The following CDKAL1 variants were observed in gnomAD, a reference collection of about 807,000 sequenced individuals.
CDKAL1 encodes threonylcarbamoyladenosine tRNA methylthiotransferase.
Under a neutral mutation model 68.2 loss-of-function variants are expected in CDKAL1, and 32 were observed. That is an observed-to-expected ratio of 0.47 (90% CI 0.35 to 0.63). The LOEUF is 0.63. Among genes scored for constraint, CDKAL1 ranks in the 30% least tolerant of loss-of-function variants. The pLI is 0.00. For missense variants in CDKAL1, 606 were observed against 696.7 expected, an observed-to-expected ratio of 0.87 and a Z score of 1.47; for synonymous variants, 234 against 244.3, an observed-to-expected ratio of 0.96 and a Z score of 0.39.
At chr6:20,744,714 G>A (rs1473516665) in intron 6 of CDKAL1, among the ~76,000 whole-genome samples, 3 of 152,130 alleles carry the variant, frequency 2.0e-5, no homozygotes, top group Non-Finnish European at 2.9e-5. Flanking sequence ...TTCTTCCTAA[G>A]GTAGTGTTAT....
chr6:20,807,670 T>G (rs1442825065), intron 8 of CDKAL1, among the ~76,000 whole-genome samples: 1 of 152,172 alleles, frequency 6.6e-6, no homozygotes, highest in Non-Finnish European at 1.5e-5. Context: ...AAATGGCACT[T>G]ATATGTAAAA....
intron 11 of CDKAL1, among the ~76,000 whole-genome samples, chr6:21,064,158 G>A (rs141636952): frequency 2.0e-3 from 299 of 152,174 alleles, no homozygotes; most frequent in African/African-American, 7.0e-3. Flanking sequence ...ACCAAATGTC[G>A]GTCAGTTGCG....
Position 20,636,529 on chromosome 6 carries a change from T to C in CDKAL1, c.287-12764T>C, listed in dbSNP as rs746335478. On this transcript the variant is annotated intron_variant, in intron 4 of 15. Coordinates refer to ENST00000274695, the MANE Select transcript of CDKAL1 (RefSeq NM_017774.3). Reference sequence around the variant, plus strand: ...AGGTGAGTTGGATAGTGAGCTCAGATGCGTGTGTGAACTAGAAGTATAAAT... The same window carrying C: ...AGGTGAGTTGGATAGTGAGCTCAGACGCGTGTGTGAACTAGAAGTATAAAT... Among the ~76,000 whole-genome samples the C allele has an allele frequency of 3.9e-4, 60 of 152,288 alleles. 1 individual carries two copies. Among genetic ancestry groups the C allele is most frequent in the East Asian group, 7.7e-4 (4 of 5,168 alleles).
At chr6:20,559,517 A>C (rs189877134) in intron 4 of CDKAL1, 1 of 152,266 alleles carries the variant, frequency 6.6e-6, no homozygotes. Flanking sequence ...CTTTCTTGTG[A>C]ACTTAAAGAT....
chr6:20,883,632 G>A (rs114219222), intron 9 of CDKAL1, among the ~76,000 whole-genome samples: 4,769 of 152,280 alleles, frequency 0.031, 249 homozygotes, highest in African/African-American at 0.11. Flanking sequence ...TTGGGGTGAA[G>A]TGTCTTGATA....
intron 12 of CDKAL1, among the ~76,000 whole-genome samples, chr6:21,104,283 A>G (rs981389120): frequency 3.9e-5 from 6 of 152,138 alleles, no homozygotes; most frequent in East Asian, 3.8e-4. Flanking sequence ...GTTCATCCCA[A>G]TGTTTCAGTA....
intron 6 of CDKAL1, 58 bp from the exon 7 acceptor site, chr6:20,758,537 A>G: frequency 6.7e-7 from 1 of 1,483,946 alleles, no homozygotes; most frequent in Non-Finnish European, 9.3e-7. Flanking sequence ...ATAAGGATAA[A>G]CACAAATTTT....
chr6:21,153,502 A>G (rs914998424), intron 13 of CDKAL1, among the ~76,000 whole-genome samples: 1 of 152,184 alleles, frequency 6.6e-6, no homozygotes, highest in Non-Finnish European at 1.5e-5. Context: ...TTGTGTGCCC[A>G]TATGAGAAGA....
At chr6:20,772,926 T>C (rs1775008123) in intron 7 of CDKAL1, 2 of 152,230 alleles carry the variant, frequency 1.3e-5, no homozygotes, top group Admixed American at 6.5e-5. Context: ...ATCAGTACCT[T>C]AGTGGGCTCT....
intron 5 of CDKAL1, among the ~76,000 whole-genome samples, chr6:20,659,127 G>C (rs1581912237): frequency 6.6e-6 from 1 of 152,156 alleles, no homozygotes; most frequent in East Asian, 1.9e-4. Flanking sequence ...GAGCCACCTT[G>C]CCTGACTTCC....
At chr6:21,211,221 C>A (rs9465998) in intron 15 of CDKAL1, among the ~76,000 whole-genome samples, 21,803 of 152,130 alleles carry the variant, frequency 0.14, 1,641 homozygotes, top group East Asian at 0.22. Context: ...ACCAACGCAA[C>A]GTGACAGAAT....
At chr6:21,132,549 T>G (rs1775383781) in intron 13 of CDKAL1, among the ~76,000 whole-genome samples, 1 of 152,132 alleles carries the variant, frequency 6.6e-6, no homozygotes, top group Non-Finnish European at 1.5e-5. Context: ...TGTACAAAAG[T>G]AAAAGCTGTT....
At chr6:21,045,247 G>A (rs938457795) in intron 11 of CDKAL1, among the ~76,000 whole-genome samples, 4 of 152,134 alleles carry the variant, frequency 2.6e-5, no homozygotes, top group African/African-American at 7.2e-5. Flanking sequence ...GGAATACTTT[G>A]GTTTGCCAGG....
At chr6:21,229,054 C>G (rs187764459) in intron 15 of CDKAL1, among the ~76,000 whole-genome samples, 1 of 152,134 alleles carries the variant, frequency 6.6e-6, no homozygotes, top group African/African-American at 2.4e-5. Flanking sequence ...AGCAGGATAT[C>G]GGCCCGGATA....
At chr6:20,986,696 T>C (rs1166220869) in intron 10 of CDKAL1, among the ~76,000 whole-genome samples, 1 of 151,972 alleles carries the variant, frequency 6.6e-6, no homozygotes, top group African/African-American at 2.4e-5. Flanking sequence ...TCTCCAAGTA[T>C]GCTTATTTTT....
At chr6:21,027,087 G>A (rs1045402159) in intron 11 of CDKAL1, among the ~76,000 whole-genome samples, 4 of 151,922 alleles carry the variant, frequency 2.6e-5, no homozygotes, top group Admixed American at 2.6e-4. Flanking sequence ...TCATCTCCCA[G>A]CCATAACCCT....
chr6:20,825,450 G>C (rs924698397), intron 8 of CDKAL1, among the ~76,000 whole-genome samples: 1 of 152,116 alleles, frequency 6.6e-6, no homozygotes, highest in Non-Finnish European at 1.5e-5. Flanking sequence ...AATGTGGACT[G>C]TGCTGGCTTG....
At chr6:21,036,636 T>G (rs745580714) in intron 11 of CDKAL1, among the ~76,000 whole-genome samples, 2 of 152,228 alleles carry the variant, frequency 1.3e-5, no homozygotes, top group Non-Finnish European at 2.9e-5. Flanking sequence ...TTCACACGTT[T>G]TTAGCCACCA....
chr6:21,166,766 G>A (rs1456445317), intron 13 of CDKAL1, among the ~76,000 whole-genome samples: 1 of 152,160 alleles, frequency 6.6e-6, no homozygotes, highest in African/African-American at 2.4e-5. Flanking sequence ...TTAAAAAAAA[G>A]CAGAGAGATA....
Sources: gnomAD v4.1 joint callset for allele counts (sites outside exome capture counted in the v4.1 genomes callset) on GRCh38, gnomAD v4.1.1 for gene constraint, MANE v1.5 for transcripts, NCBI Gene and HGNC (gene_info 2026-07-23, HGNC 2026-07-21) for gene names.